KIRREL3: variants seen among roughly 807,000 people sequenced by gnomAD.
KIRREL3 encodes the protein kin of IRRE-like protein 3.
KIRREL3 carries 36 observed loss-of-function variants against 89.7 expected under a neutral mutation model. The ratio of observed to expected loss-of-function variants is 0.40; its 90% CI spans 0.31 to 0.53. The LOEUF is 0.53. KIRREL3 is among the 20% of genes least tolerant of loss of function. KIRREL3 has a pLI of 0.49. For missense variants in KIRREL3, 864 were observed against 1,056.6 expected (o/e 0.82, Z 2.53); for synonymous variants, 445 against 441.4 (o/e 1.01, Z -0.10).
rs1323495151 is a variant in KIRREL3 at position 126,744,089 on chromosome 11, A to T, written c.56-181177T>A. On this transcript the variant is annotated intron_variant, in intron 1 of 16. Coordinates refer to ENST00000525144, the MANE Select transcript of KIRREL3 (RefSeq NM_032531.4). The surrounding 1 kb of genome is among the most constrained non-coding windows in gnomAD (Gnocchi z 4.7). ...GCAGAAAATGTTCCAGAAAGTTGGG[A>T]CTAGCCAAGGGGCAGAGGGCCCAGG... Among the ~76,000 whole-genome samples, 3 of 152,222 alleles carry T rather than the reference A, an allele frequency of 2.0e-5. No homozygotes were observed. Among genetic ancestry groups the T allele is most frequent in the Non-Finnish European group, 1.5e-5 (1 of 68,054 alleles).
At chr11:126,827,435 C>G (rs1290588052) in intron 1 of KIRREL3, among the ~76,000 whole-genome samples, 1 of 152,096 alleles carries the variant, frequency 6.6e-6, no homozygotes, top group Non-Finnish European at 1.5e-5. Flanking sequence ...CTCAGCCTCC[C>G]AAAGAACTGG....
At position 126,686,658 on chromosome 11, in the gene KIRREL3, C is replaced by A. The variant is rs944720046; in HGVS notation, c.56-123746G>T. Among the ~76,000 whole-genome samples the A allele has an allele frequency of 6.6e-6, 1 of 152,190 alleles. No individual in the cohort carries two copies. The highest frequency in any genetic ancestry group is 2.4e-5 in the African/African-American group (1 of 41,436). On this transcript the variant is annotated intron_variant, in intron 1 of 16. Coordinates refer to ENST00000525144, the MANE Select transcript of KIRREL3 (RefSeq NM_032531.4). This position sits in a 1 kb window ranked among gnomAD's most constrained non-coding sequence, Gnocchi z 4.7. Reference sequence around the variant, plus strand: ...GCAGTGGCGTGATCTTGGCTCACTGCAACCTCGGCCTCTCCAGTTCAAGCA... The same window carrying A: ...GCAGTGGCGTGATCTTGGCTCACTGAAACCTCGGCCTCTCCAGTTCAAGCA...
rs1392947043 is a variant in KIRREL3, at chr11:126,903,590, C to T, written c.55+96865G>A. On this transcript the variant is annotated intron_variant, in intron 1 of 16. Coordinates refer to ENST00000525144, the MANE Select transcript of KIRREL3 (RefSeq NM_032531.4). The surrounding 1 kb of genome is among the most constrained non-coding windows in gnomAD (Gnocchi z 4.5). ...CTGCTGAGTTTATTACTACCCATAA[C>T]CCTGGCCTAAGTGGAAACAAAAAAG... Among the ~76,000 whole-genome samples the T allele has an allele frequency of 1.1e-4, 16 of 152,216 alleles. No individual in the cohort carries two copies. Among genetic ancestry groups the T allele is most frequent in the Admixed American group, 1.0e-3 (16 of 15,282 alleles).
chr11:126,458,720 C>T (rs527397098), intron 6 of KIRREL3, among the ~76,000 whole-genome samples: 154 of 152,212 alleles, frequency 1.0e-3, no homozygotes, highest in Non-Finnish European at 1.9e-3. Context: ...GCTCCTGGTG[C>T]GGTCAGCCTG....
At position 126,429,006 on chromosome 11, in the gene KIRREL3, ACACT is replaced by A. The variant is rs1323413395; in HGVS notation, c.1806+169_1806+172del. Among the ~76,000 whole-genome samples, 1 of 152,198 alleles carries A rather than the reference ACACT, an allele frequency of 6.6e-6. No homozygotes were observed. The highest frequency in any genetic ancestry group is 1.9e-4 in the East Asian group (1 of 5,200). On this transcript the variant is annotated intron_variant, in intron 15 of 16. Coordinates refer to ENST00000525144, the MANE Select transcript of KIRREL3 (RefSeq NM_032531.4). The surrounding 1 kb of genome is among the most constrained non-coding windows in gnomAD (Gnocchi z 5.2). Reference sequence around the variant, plus strand: ...AACACAAGCACAGTACAGCAGGCACACACTCACATTTGTTGGCTGAGAGTGTGTG... The same window carrying A: ...AACACAAGCACAGTACAGCAGGCACACACATTTGTTGGCTGAGAGTGTGTG...
At chr11:126,828,672 G>A (rs1397206317) in intron 1 of KIRREL3, among the ~76,000 whole-genome samples, 1 of 152,144 alleles carries the variant, frequency 6.6e-6, no homozygotes, top group Non-Finnish European at 1.5e-5. Flanking sequence ...TTGCACGTAG[G>A]CTCTGCAGTC....
rs910827600 is a variant in KIRREL3 at position 126,475,103 on chromosome 11, G to C, written c.434-1637C>G. Among the ~76,000 whole-genome samples, 7 of 152,216 alleles carry C rather than the reference G, an allele frequency of 4.6e-5. No individual in the cohort carries two copies. In the East Asian group the frequency reaches 1.3e-3, roughly 29 times the overall value. On this transcript the variant is annotated intron_variant, in intron 4 of 16. Coordinates refer to ENST00000525144, the MANE Select transcript of KIRREL3 (RefSeq NM_032531.4). The surrounding 1 kb of genome is among the most constrained non-coding windows in gnomAD (Gnocchi z 7.5). ...CTGTGTACACAGCAAACACAGAAGG[G>C]GTAGTTGGATAACGGGGGCGTGGGA...
chr11:126,837,878 A>G lies in KIRREL3; in HGVS notation c.55+162577T>C, dbSNP rs572268953. Among the ~76,000 whole-genome samples the G allele has an allele frequency of 6.6e-6, 1 of 152,288 alleles. No individual in the cohort carries two copies. Among genetic ancestry groups the G allele is most frequent in the East Asian group, 1.9e-4 (1 of 5,182 alleles). On this transcript the variant is annotated intron_variant, in intron 1 of 16. Transcript: ENST00000525144. The surrounding 1 kb of genome is among the most constrained non-coding windows in gnomAD (Gnocchi z 4.7). ...ATACATCCTATCTCTCTACACTCCT[A>G]AAGCCCCAAAGAACTGCCATTTACA... is the stretch of plus-strand genomic sequence containing the variant.
rs901247283 is a variant in KIRREL3, at chr11:126,623,346, T to C, written c.56-60434A>G. Among the ~76,000 whole-genome samples the C allele has an allele frequency of 1.3e-5, 2 of 152,146 alleles. No homozygotes were observed. Among genetic ancestry groups the C allele is most frequent in the Admixed American group, 6.5e-5 (1 of 15,278 alleles). On this transcript the variant is annotated intron_variant, in intron 1 of 16. Coordinates refer to ENST00000525144, the MANE Select transcript of KIRREL3 (RefSeq NM_032531.4). The surrounding 1 kb of genome is among the most constrained non-coding windows in gnomAD (Gnocchi z 4.1). ...TGAGCAGGCCCCTGGGATCGACACA[T>C]GGATGAAGGGAGCCCTCTGAATTCT...
rs764554091 is a variant in KIRREL3, at chr11:126,551,376, G to A, written c.133+11459C>T. Among the ~76,000 whole-genome samples the A allele has an allele frequency of 8.5e-5, 13 of 152,238 alleles. No individual in the cohort carries two copies. The highest frequency in any genetic ancestry group is 2.4e-4 in the African/African-American group (10 of 41,550). On this transcript the variant is annotated intron_variant, in intron 2 of 16. Transcript: ENST00000525144. This position sits in a 1 kb window ranked among gnomAD's most constrained non-coding sequence, Gnocchi z 4.9. ...GGGCCGGAGAGAGATCCTGTTTCCC[G>A]AGGCCTGCCCCTGAGGCCTAACACA...
chr11:126,678,762 C>T (rs967558044), intron 1 of KIRREL3, among the ~76,000 whole-genome samples: 3 of 152,142 alleles, frequency 2.0e-5, no homozygotes, highest in Non-Finnish European at 4.4e-5. Context: ...TCACCCATTG[C>T]CGTGGCTTCT....
chr11:126,505,734 G>A lies in KIRREL3; in HGVS notation c.433+15581C>T, dbSNP rs111241450. Among the ~76,000 whole-genome samples, 557 of 152,108 alleles carry A rather than the reference G, an allele frequency of 3.7e-3. 5 individuals carry two copies. The highest frequency in any genetic ancestry group is 0.013 in the African/African-American group (538 of 41,472). On this transcript the variant is annotated intron_variant, in intron 4 of 16. Coordinates refer to ENST00000525144, the MANE Select transcript of KIRREL3 (RefSeq NM_032531.4). The stretch of plus-strand genomic sequence containing the variant: ...AGCATCAAAAATAATAAAATGCTTA[G>A]GGATAAATTTATCAAAGGAAGTACA...
Position 126,489,636 on chromosome 11 carries a change from T to C in KIRREL3, c.434-16170A>G, listed in dbSNP as rs1162696330. On this transcript the variant is annotated intron_variant, in intron 4 of 16. Transcript: ENST00000525144. This position sits in a 1 kb window ranked among gnomAD's most constrained non-coding sequence, Gnocchi z 5.5. ...CCCAGGACAGCTGGTGTCCCCTGGC[T>C]TTCCTGAGACCTTGGACGTGCCCCT... Among the ~76,000 whole-genome samples, 1 of 152,122 alleles carries C rather than the reference T, an allele frequency of 6.6e-6. No homozygotes were observed. The highest frequency in any genetic ancestry group is 1.5e-5 in the Non-Finnish European group (1 of 68,016).
intron 2 of KIRREL3, among the ~76,000 whole-genome samples, chr11:126,542,851 A>AT (rs1938476546): frequency 6.6e-6 from 1 of 152,206 alleles, no homozygotes; most frequent in Non-Finnish European, 1.5e-5. Flanking sequence ...AGTGCTGACT[A>AT]TATATGTGTC....
At position 126,996,631 on chromosome 11, in the gene KIRREL3, G is replaced by A. The variant is rs140735234; in HGVS notation, c.55+3824C>T. Reference sequence around the variant, plus strand: ...CGAGATGCCTTTCTATTCCCTAGGAGATTCAGATCACCATGACCCTCTGCC... The same window carrying A: ...CGAGATGCCTTTCTATTCCCTAGGAAATTCAGATCACCATGACCCTCTGCC... On this transcript the variant is annotated intron_variant, in intron 1 of 16. Transcript: ENST00000525144. The surrounding 1 kb of genome is among the most constrained non-coding windows in gnomAD (Gnocchi z 4.7). 9.2e-5 allele frequency among the ~76,000 whole-genome samples: 14 copies of A among 152,256 alleles called. No homozygotes were observed. The East Asian group carries it at 2.3e-3, about 25-fold the overall frequency.
rs1957990823 is a variant in KIRREL3, at chr11:126,505,471, TGAGGCAGAAGAATTGCTTGAACCCAG to T, written c.433+15818_433+15843del. On this transcript the variant is annotated intron_variant, in intron 4 of 16. Coordinates refer to ENST00000525144, the MANE Select transcript of KIRREL3 (RefSeq NM_032531.4). ...CTGTAATCCCAGCTACTCAGGAGGCTGAGGCAGAAGAATTGCTTGAACCCAGGAGGCAGAAGTTGCAGTGAGCTGAG... is the reference window on the plus strand; with the variant it reads ...CTGTAATCCCAGCTACTCAGGAGGCTGAGGCAGAAGTTGCAGTGAGCTGAG... Among the ~76,000 whole-genome samples the T allele has an allele frequency of 2.0e-5, 3 of 152,216 alleles. No homozygotes were observed. The South Asian group carries it at 6.2e-4, about 32-fold the overall frequency.
rs542947379 is a variant in KIRREL3 at position 126,609,316 on chromosome 11, C to T, written c.56-46404G>A. Among the ~76,000 whole-genome samples the T allele has an allele frequency of 6.6e-5, 10 of 152,186 alleles. No individual in the cohort carries two copies. Among genetic ancestry groups the T allele is most frequent in the African/African-American group, 1.2e-4 (5 of 41,448 alleles). On this transcript the variant is annotated intron_variant, in intron 1 of 16. Transcript: ENST00000525144. This position sits in a 1 kb window ranked among gnomAD's most constrained non-coding sequence, Gnocchi z 5.0. ...AGAGGGCTAATGTATGTCTTCCCCC[C>T]GGGCTGGTGGCTGGGTTAATTGGAC...
In KIRREL3 at chr11:126,520,324, C is replaced by T. The variant is rs1958544485; in HGVS notation, c.433+991G>A. Among the ~76,000 whole-genome samples the T allele has an allele frequency of 6.6e-6, 1 of 152,186 alleles. No individual in the cohort carries two copies. The highest frequency in any genetic ancestry group is 6.5e-5 in the Admixed American group (1 of 15,284). On this transcript the variant is annotated intron_variant, in intron 4 of 16. Coordinates refer to ENST00000525144, the MANE Select transcript of KIRREL3 (RefSeq NM_032531.4). The surrounding 1 kb of genome is among the most constrained non-coding windows in gnomAD (Gnocchi z 4.9). ...CCTGCACGCGTGCCTGGCACAGACT[C>T]ACGTGTAAGGGGGCAGCGAGGTGGG... is the stretch of plus-strand genomic sequence containing the variant.
At chr11:126,758,370 T>C (rs537101512) in intron 1 of KIRREL3, among the ~76,000 whole-genome samples, 1 of 152,258 alleles carries the variant, frequency 6.6e-6, no homozygotes, top group Non-Finnish European at 1.5e-5. Context: ...TTTGTAGTAG[T>C]ACTATTTTGA....
Sources: gnomAD v4.1 joint callset for allele counts (sites outside exome capture counted in the v4.1 genomes callset) on GRCh38, gnomAD v4.1.1 for gene constraint, Gnocchi (gnomAD v3.1) non-coding constraint, MANE v1.5 for transcripts, NCBI Gene and HGNC (gene_info 2026-07-23, HGNC 2026-07-21) for gene names.